Variants in TPD52L3 observed in about 807,000 individuals in gnomAD.
TPD52L3 encodes the protein tumor protein D55.
TPD52L3 carries 12 observed loss-of-function variants against 8.7 expected under a neutral mutation model. The observed-to-expected ratio is 1.38, with a 90% CI of 0.89 to 2.24. The LOEUF (loss-of-function observed/expected upper bound fraction) is 2.24, where lower values mean the gene tolerates loss of function less well. Among genes scored for constraint, TPD52L3 ranks in the 30% most tolerant of loss-of-function variants. TPD52L3 has a pLI of 0.00. For missense variants in TPD52L3, 207 were observed against 158.7 expected (o/e 1.30, Z -1.64); for synonymous variants, 79 against 66.8 (o/e 1.18, Z -0.89).
chr9:6,328,983 T>G (rs1324191626), intron 1 of TPD52L3, 21 bp downstream of exon 1: 2 of 1,614,102 alleles, frequency 1.2e-6, no homozygotes, highest in Admixed American at 1.7e-5. Context: ...GACAATCAAG[T>G]CCAAAGTCTC....
intron 1 of TPD52L3, chr9:6,329,751 A>G (rs1306352741): frequency 9.9e-7 from 1 of 1,009,124 alleles, no homozygotes. Context: ...TACATTACTA[A>G]TATAGCTTTT....
chr9:6,330,927 A>G, intron 1 of TPD52L3, 49 bp from the exon 2 acceptor site: 1 of 1,604,090 alleles, frequency 6.2e-7, no homozygotes, highest in South Asian at 1.1e-5. Flanking sequence ...AAAAGTAGTA[A>G]AGTACATATT....
chr9:6,331,802 T>C lies in TPD52L3; in HGVS notation c.*783T>C, dbSNP rs1014626504. 1.4e-4 allele frequency: 21 copies of C among 152,334 alleles called. No individual in the cohort carries two copies. Among genetic ancestry groups the C allele is most frequent in the African/African-American group, 4.8e-4 (20 of 41,572 alleles). 9.4% of individuals were successfully genotyped at this position (152,334 alleles called of 1,614,324 possible). A position where few individuals can be genotyped will look rare whatever the true frequency, so the allele number is the denominator to read the frequency against. On this transcript the variant is annotated 3_prime_UTR_variant, in exon 2 of 2. Transcript: ENST00000314556. ...GTAGAATTGAAAAGGCCTGATATTA[T>C]TGAAGCTGGAGTTGCACATTCATTT...
At chr9:6,330,403 G>A in intron 1 of TPD52L3, 1 of 1,413,076 alleles carries the variant, frequency 7.1e-7, no homozygotes, top group Non-Finnish European at 9.2e-7. Flanking sequence ...TTGGCTGTGG[G>A]CAGAGACTAG....
Position 6,328,639 on chromosome 9 carries a change from C to T in TPD52L3, c.44C>T (p.Ser15Phe), listed in dbSNP as rs750791419. The change falls in exon 1 of 2, where the codon TCC becomes TTC. Residue 15 changes from serine to phenylalanine, a missense_variant. Physicochemically the swap from Ser to Phe is radical, Grantham distance 155. Coordinates refer to ENST00000314556, the MANE Select transcript of TPD52L3 (RefSeq NM_001001874.3). The stretch of plus-strand genomic sequence containing the variant: ...GAGACCTCTGTGGGCACATATGAAT[C>T]CCACTCGACTTCTGAACTGGAGGAT... Reference protein sequence around the residue: ...RTETSVGTYESHSTSELEDLT... With the variant: ...RTETSVGTYEFHSTSELEDLT... 2.5e-6 allele frequency: 4 copies of T among 1,614,092 alleles called. No homozygotes were observed. The highest frequency in any genetic ancestry group is 2.2e-5 in the South Asian group (2 of 91,088).
At chr9:6,329,250 C>T (rs1818094829) in intron 1 of TPD52L3, 3 of 1,346,650 alleles carry the variant, frequency 2.2e-6, no homozygotes, top group Non-Finnish European at 1.9e-6. Flanking sequence ...CCAACAAAAA[C>T]AAGCAAGCAA....
rs550921282 is a variant in TPD52L3, at chr9:6,331,352, G to C, written c.*333G>C. The C allele has an allele frequency of 7.6e-4, 146 of 192,986 alleles. No homozygotes were observed. Among genetic ancestry groups the C allele is most frequent in the African/African-American group, 3.3e-3 (142 of 43,160 alleles). 12.0% of individuals were successfully genotyped at this position (192,986 alleles called of 1,614,324 possible). ...CTTTAGAGAGACAGAAAGTCTTAGAGGACTAGGAGAAGTTTGCCAGACAGA... is the reference window on the plus strand; with the variant it reads ...CTTTAGAGAGACAGAAAGTCTTAGACGACTAGGAGAAGTTTGCCAGACAGA... On this transcript the variant is annotated 3_prime_UTR_variant, in exon 2 of 2. Coordinates refer to ENST00000314556, the MANE Select transcript of TPD52L3 (RefSeq NM_001001874.3).
chr9:6,330,668 G>C, intron 1 of TPD52L3: 1 of 1,204,428 alleles, frequency 8.3e-7, no homozygotes. Context: ...TTACTATTTT[G>C]CATGTTCGAT....
rs1818146298 is a variant in TPD52L3 at position 6,331,315 on chromosome 9, G to C, written c.*296G>C. The C allele has an allele frequency of 7.4e-6, 2 of 271,674 alleles. No homozygotes were observed. Among genetic ancestry groups the C allele is most frequent in the Non-Finnish European group, 1.4e-5 (2 of 145,042 alleles). 16.8% of individuals were successfully genotyped at this position (271,674 alleles called of 1,614,324 possible). ...AGGGGTGTTCAACTCTGTCTTGGTA[G>C]GTCAGTAAAGACTTTAGAGAGACAG... On this transcript the variant is annotated 3_prime_UTR_variant, in exon 2 of 2. Transcript: ENST00000314556.
In TPD52L3 at chr9:6,331,149, T is replaced by C. The variant is rs560641224; in HGVS notation, c.*130T>C. On this transcript the variant is annotated 3_prime_UTR_variant, in exon 2 of 2. Coordinates refer to ENST00000314556, the MANE Select transcript of TPD52L3 (RefSeq NM_001001874.3). Reference sequence around the variant, plus strand: ...AAAGCCAATCTGAGACCCTACTCTGTATCAAGAACTGTCCCAGGTTCTGAA... The same window carrying C: ...AAAGCCAATCTGAGACCCTACTCTGCATCAAGAACTGTCCCAGGTTCTGAA... 5 of 905,598 alleles carry C rather than the reference T, an allele frequency of 5.5e-6. No individual in the cohort carries two copies. The highest frequency in any genetic ancestry group is 3.3e-5 in the African/African-American group (2 of 60,058). 56.1% of individuals were successfully genotyped at this position (905,598 alleles called of 1,614,324 possible).
Position 6,331,242 on chromosome 9 carries a change from G to T in TPD52L3, c.*223G>T. ...GACTTTCAAATCATTATAATTCAAT[G>T]AGTCCTAAAATAGAGCTGTGTGCCA... On this transcript the variant is annotated 3_prime_UTR_variant, in exon 2 of 2. Coordinates refer to ENST00000314556, the MANE Select transcript of TPD52L3 (RefSeq NM_001001874.3). The T allele has an allele frequency of 2.1e-6, 1 of 466,766 alleles. No homozygotes were observed. Among genetic ancestry groups the T allele is most frequent in the Non-Finnish European group, 3.8e-6 (1 of 260,596 alleles). The allele number at this position is 466,766 out of a possible 1,614,324, so 28.9% of individuals were successfully genotyped here. A position where few individuals can be genotyped will look rare whatever the true frequency, so the allele number is the denominator to read the frequency against.
At chr9:6,329,888 A>G (rs898673) in intron 1 of TPD52L3, 1,150,788 of 1,217,468 alleles carry the variant, frequency 0.95, 544,489 homozygotes, top group East Asian at 1. Context: ...TAATTTCTTT[A>G]TATATCAAAA....
chr9:6,328,424 G>A lies in TPD52L3; in HGVS notation c.-172G>A, dbSNP rs1393114361. On this transcript the variant is annotated 5_prime_UTR_variant, in exon 1 of 2. Transcript: ENST00000314556. Reference sequence around the variant, plus strand: ...GTCAAGGTGTCCATTGTACCAGCTGGGCCATGGATCCCTCCCGCCTGAAAT... The same window carrying A: ...GTCAAGGTGTCCATTGTACCAGCTGAGCCATGGATCCCTCCCGCCTGAAAT... The A allele has an allele frequency of 1.2e-5, 9 of 728,232 alleles. No homozygotes were observed. The highest frequency in any genetic ancestry group is 1.8e-5 in the South Asian group (1 of 55,106). The allele number at this position is 728,232 out of a possible 1,614,324, so 45.1% of individuals were successfully genotyped here.
chr9:6,329,737 T>TTG, intron 1 of TPD52L3: 1 of 1,005,312 alleles, frequency 9.9e-7, no homozygotes, highest in Non-Finnish European at 1.2e-6. Flanking sequence ...AGTGCACTAA[T>TTG]TGTTACATTA....
chr9:6,330,709 G>A, intron 1 of TPD52L3: 1 of 1,246,182 alleles, frequency 8.0e-7, no homozygotes, highest in Non-Finnish European at 1.0e-6. Context: ...CAACCAAAAT[G>A]GCTTTGTATG....
intron 1 of TPD52L3, chr9:6,330,501 T>C (rs759994181): frequency 2.4e-6 from 3 of 1,257,826 alleles, no homozygotes; most frequent in East Asian, 3.4e-5. Flanking sequence ...TTGTTGACTC[T>C]TGAATGCTCC....
chr9:6,329,137 G>A, intron 1 of TPD52L3, 175 bp downstream of exon 1: 1 of 1,487,896 alleles, frequency 6.7e-7, no homozygotes, highest in Non-Finnish European at 8.9e-7. Context: ...GAGTGAGGAT[G>A]ACCATCTCCA....
chr9:6,328,804 T>A lies in TPD52L3; in HGVS notation c.209T>A (p.Val70Glu), dbSNP rs1183965263. The A allele has an allele frequency of 2.5e-6, 4 of 1,614,032 alleles. No individual in the cohort carries two copies. The African/African-American group carries it at 5.3e-5, about 22-fold the overall frequency. Residue 70 changes from valine to glutamate, a missense_variant, in exon 1 of 2, where the codon GTA (valine) becomes GAA (glutamate). Val to Glu is a moderately radical substitution (Grantham distance 121). Coordinates refer to ENST00000314556, the MANE Select transcript of TPD52L3 (RefSeq NM_001001874.3). ...AGGAAGTTAGGCCTCACCGCCTTGG[T>A]AGGGCTGAGACAGAATCTGTCCAAG... ...LKRKLGLTAL[V>E]GLRQNLSKSW...
In TPD52L3 at chr9:6,331,131, A is replaced by G. The variant is rs541946688; in HGVS notation, c.*112A>G. On this transcript the variant is annotated 3_prime_UTR_variant, in exon 2 of 2. Coordinates refer to ENST00000314556, the MANE Select transcript of TPD52L3 (RefSeq NM_001001874.3). ...AAAATATCGTGTTTATTCAAAGCCA[A>G]TCTGAGACCCTACTCTGTATCAAGA... 117 of 1,129,032 alleles carry G rather than the reference A, an allele frequency of 1.0e-4. 2 individuals carry two copies. In the South Asian group the frequency reaches 1.6e-3, roughly 15 times the overall value. The allele number at this position is 1,129,032 out of a possible 1,614,324, so 69.9% of individuals were successfully genotyped here. A position where few individuals can be genotyped will look rare whatever the true frequency, so the allele number is the denominator to read the frequency against.
Sources: allele counts gnomAD v4.1 joint callset, GRCh38; gene constraint gnomAD v4.1.1; transcripts MANE v1.5; gene names NCBI Gene and HGNC (gene_info 2026-07-23, HGNC 2026-07-21).